AP3B1: variants seen among roughly 807,000 people sequenced by gnomAD.
The protein encoded by AP3B1 is AP-3 complex subunit beta-1.
A neutral mutation model predicts 132.5 loss-of-function variants in AP3B1; 61 were observed. That is an observed-to-expected ratio of 0.46 (90% CI 0.37 to 0.57). The LOEUF is 0.57. AP3B1 is among the 20% of genes least tolerant of loss of function. The pLI is 0.00. For missense variants in AP3B1, 1,120 were observed against 1,289.4 expected (o/e 0.87, Z 2.01); for synonymous variants, 388 against 438.3 (o/e 0.89, Z 1.43).
At chr5:78,208,083 C>CAGAGAGACAG (rs1745584868) in intron 7 of AP3B1, among the ~76,000 whole-genome samples, 4 of 151,602 alleles carry the variant, frequency 2.6e-5, no homozygotes, top group Admixed American at 2.0e-4. Context: ...GAGACAGAGA[C>CAGAGAGACAG]AGAGAGACAG....
chr5:78,025,428 G>A (rs1340034794), intron 24 of AP3B1, among the ~76,000 whole-genome samples: 1 of 152,170 alleles, frequency 6.6e-6, no homozygotes, highest in South Asian at 2.1e-4. Flanking sequence ...CAAGCAAGGC[G>A]TTAGAGAGCC....
intron 1 of AP3B1, among the ~76,000 whole-genome samples, chr5:78,278,927 C>A (rs1748919115): frequency 6.6e-6 from 1 of 152,088 alleles, no homozygotes; most frequent in Non-Finnish European, 1.5e-5. Flanking sequence ...GTCTCATCCC[C>A]AAGCCAACCC....
intron 17 of AP3B1, among the ~76,000 whole-genome samples, chr5:78,120,869 C>T (rs1353282697): frequency 6.6e-6 from 1 of 152,192 alleles, no homozygotes; most frequent in Non-Finnish European, 1.5e-5. Context: ...GAACTCTCCA[C>T]CCCAAATCAA....
chr5:78,209,252 C>T (rs1001196446), intron 7 of AP3B1, among the ~76,000 whole-genome samples: 6 of 152,070 alleles, frequency 3.9e-5, no homozygotes, highest in Admixed American at 2.6e-4. Flanking sequence ...ACCCTCCTCC[C>T]TTTTGGAATT....
chr5:78,181,695 T>C, intron 7 of AP3B1, 33 bp from the exon 8 acceptor site: 1 of 1,600,564 alleles, frequency 6.2e-7, no homozygotes, highest in Non-Finnish European at 8.5e-7. Flanking sequence ...CAAGATTACT[T>C]TAGACCTTGA....
intron 9 of AP3B1, 105 bp from the exon 10 acceptor site, chr5:78,175,943 A>C (rs2112402262): frequency 1.1e-6 from 1 of 909,242 alleles, no homozygotes. Flanking sequence ...CAAGTGAATG[A>C]GACTCTTAAA....
At chr5:78,062,453 C>T (rs1439821245) in intron 22 of AP3B1, among the ~76,000 whole-genome samples, 1 of 152,162 alleles carries the variant, frequency 6.6e-6, no homozygotes, top group Non-Finnish European at 1.5e-5. Flanking sequence ...ATTACTAACA[C>T]TTTATCTAAA....
intron 22 of AP3B1, among the ~76,000 whole-genome samples, chr5:78,069,159 A>C (rs76882449): frequency 6.6e-6 from 1 of 152,236 alleles, no homozygotes; most frequent in Non-Finnish European, 1.5e-5. Flanking sequence ...ATCATACTGA[A>C]TGGGCAAAAG....
chr5:78,000,809 A>G (rs1400760145), downstream of AP3B1: 2 of 152,232 alleles, frequency 1.3e-5, no homozygotes, highest in Non-Finnish European at 2.9e-5. Context: ...GACAAAGTTA[A>G]AGGAAATATG....
chr5:78,121,770 G>A (rs1252353845), intron 17 of AP3B1: 4 of 152,158 alleles, frequency 2.6e-5, no homozygotes, highest in African/African-American at 9.7e-5. Context: ...AGAGGTACAA[G>A]GAGGAGCTGG....
downstream of AP3B1, chr5:78,000,799 G>A (rs1746184166): frequency 6.6e-6 from 1 of 152,084 alleles, no homozygotes; most frequent in South Asian, 2.1e-4. Context: ...CATGGATTAT[G>A]ACAAAGTTAA....
At chr5:78,144,782 CATT>C (rs1297696259) in intron 14 of AP3B1, among the ~76,000 whole-genome samples, 1 of 152,162 alleles carries the variant, frequency 6.6e-6, no homozygotes, top group Non-Finnish European at 1.5e-5. Flanking sequence ...TCCCATTAAA[CATT>C]ATGTGAAATC....
chr5:78,232,594 C>CTA lies in AP3B1; in HGVS notation c.280-4357_280-4356dup, dbSNP rs572412620. Reference sequence around the variant, plus strand: ...GCCTAAAAAGCACAGTTGTCCCTTGCTATAGTAAGCAATAAATTGTCTTAT... The same window carrying CTA: ...GCCTAAAAAGCACAGTTGTCCCTTGCTATATAGTAAGCAATAAATTGTCTTAT... On this transcript the variant is annotated intron_variant, in intron 3 of 26. Coordinates refer to ENST00000255194, the MANE Select transcript of AP3B1 (RefSeq NM_003664.5). Among the ~76,000 whole-genome samples the CTA allele has an allele frequency of 1.1e-3, 164 of 152,306 alleles. 1 individual carries two copies. The highest frequency in any genetic ancestry group is 3.8e-3 in the African/African-American group (160 of 41,562).
At position 78,130,487 on chromosome 5, in the gene AP3B1, T is replaced by C. The variant is rs943707496; in HGVS notation, c.1651-1180A>G. The stretch of plus-strand genomic sequence containing the variant: ...GTAGTTAAAAAGGATTAACCCAGTT[T>C]TATTAAAGTAGAATTATAAAAAATA... On this transcript the variant is annotated intron_variant, in intron 15 of 26. Coordinates refer to ENST00000255194, the MANE Select transcript of AP3B1 (RefSeq NM_003664.5). Among the ~76,000 whole-genome samples, 8 of 152,180 alleles carry C rather than the reference T, an allele frequency of 5.3e-5. No individual in the cohort carries two copies. The South Asian group carries it at 8.3e-4, about 16-fold the overall frequency.
At chr5:78,041,086 T>C (rs538605508) in intron 22 of AP3B1, among the ~76,000 whole-genome samples, 1 of 151,584 alleles carries the variant, frequency 6.6e-6, no homozygotes, top group East Asian at 1.9e-4. Flanking sequence ...ACCAGCCTGA[T>C]CAACATGGAG....
chr5:78,095,020 T>C (rs567575460), intron 21 of AP3B1, among the ~76,000 whole-genome samples: 1 of 152,356 alleles, frequency 6.6e-6, no homozygotes, highest in African/African-American at 2.4e-5. Flanking sequence ...AGTTAAATTT[T>C]GATACCGCTA....
chr5:78,172,854 G>A (rs1743978850), intron 11 of AP3B1, among the ~76,000 whole-genome samples: 1 of 152,170 alleles, frequency 6.6e-6, no homozygotes, highest in African/African-American at 2.4e-5. Context: ...TGTGATGTTA[G>A]GGTGTCGATT....
At chr5:78,035,710 G>A (rs190669919) in intron 23 of AP3B1, among the ~76,000 whole-genome samples, 121 of 152,130 alleles carry the variant, frequency 8.0e-4, no homozygotes, top group African/African-American at 2.7e-3. Flanking sequence ...TCAGTGGTAT[G>A]TATGTTAGTT....
chr5:78,119,903 TTGAAA>T (rs1185261093), intron 17 of AP3B1, among the ~76,000 whole-genome samples: 4 of 152,050 alleles, frequency 2.6e-5, no homozygotes, highest in Non-Finnish European at 5.9e-5. Context: ...TTCACCAAAC[TTGAAA>T]TGAAGGAAAA....
Sources: gnomAD v4.1 joint callset for allele counts (sites outside exome capture counted in the v4.1 genomes callset) on GRCh38, gnomAD v4.1.1 for gene constraint, MANE v1.5 for transcripts, NCBI Gene and HGNC (gene_info 2026-07-23, HGNC 2026-07-21) for gene names.